Variants in CHRNA3 observed in about 807,000 individuals in gnomAD.
CHRNA3 encodes cholinergic receptor nicotinic alpha 3 subunit.
CHRNA3 carries 34 observed loss-of-function variants against 41.9 expected under a neutral mutation model. The observed-to-expected ratio is 0.81, with a 90% CI of 0.62 to 1.08. The LOEUF (loss-of-function observed/expected upper bound fraction) is 1.08, where lower values mean the gene tolerates loss of function less well. Among genes scored for constraint, CHRNA3 ranks in the 50% least tolerant of loss-of-function variants. CHRNA3 has a pLI of 0.00. For synonymous variants in CHRNA3, 281 were observed against 265.2 expected (o/e 1.06, Z -0.58); for missense variants, 542 against 638.3 (o/e 0.85, Z 1.63).
At chr15:78,616,713 C>T (rs2053467805) in intron 4 of CHRNA3, among the ~76,000 whole-genome samples, 1 of 152,130 alleles carries the variant, frequency 6.6e-6, no homozygotes, top group African/African-American at 2.4e-5. Context: ...CTCCATCTCC[C>T]TGTCCTGAGA....
rs1204610496 is a variant in CHRNA3 at position 78,618,819 on chromosome 15, A to G, written c.179T>C (p.Val60Ala). ...CATGGACACCTCGAAATGGATGATG[A>G]CTGGGTCAGACACGTTGGCTACAGG... ...IRPVANVSDPVIIHFEVSMSQ... is the reference protein window; with the variant it reads ...IRPVANVSDPAIIHFEVSMSQ... Residue 60 changes from valine to alanine, a missense_variant, in exon 2 of 6, where the codon GTC becomes GCC. Transcript: ENST00000326828. 7.4e-6 allele frequency: 12 copies of G among 1,613,882 alleles called. No individual in the cohort carries two copies. The highest frequency in any genetic ancestry group is 9.3e-6 in the Non-Finnish European group (11 of 1,179,918).
Position 78,602,125 on chromosome 15 carries a change from AGTTTTG to A in CHRNA3, c.511_516del (p.Gln171_Asn172del). ...GACCAGGAACCGAACTTCATGGTACAGTTTTGGTAATCAAACGGGAAGTAGGTCACG... is the reference window on the plus strand; with the variant it reads ...GACCAGGAACCGAACTTCATGGTACAGTAATCAAACGGGAAGTAGGTCACG... On this transcript the variant is annotated inframe_deletion, in exon 5 of 6. Coordinates refer to ENST00000326828, the MANE Select transcript of CHRNA3 (RefSeq NM_000743.5). 6.2e-7 allele frequency: 1 copy of A among 1,614,182 alleles called. No individual in the cohort carries two copies. Among genetic ancestry groups the A allele is most frequent in the Non-Finnish European group, 8.5e-7 (1 of 1,180,028 alleles).
intron 1 of CHRNA3, 133 bp from the exon 2 acceptor site, chr15:78,619,048 G>A: frequency 9.2e-7 from 1 of 1,083,992 alleles, no homozygotes; most frequent in Non-Finnish European, 1.3e-6. Context: ...TAGACTTTCA[G>A]GCCAGTCTAA....
At chr15:78,618,944 G>A in intron 1 of CHRNA3, 29 bp from the exon 2 acceptor site, 1 of 1,610,492 alleles carries the variant, frequency 6.2e-7, no homozygotes, top group Admixed American at 1.7e-5. Flanking sequence ...TCAGTCCCTG[G>A]GGAAATCGTT....
rs536384532 is a variant in CHRNA3, at chr15:78,603,338, T to C, written c.378-1074A>G. ...TTAGACATGTACGTTTTTCTAGGAA[T>C]AGTCTTGTTGGTTTGTTCGACAGAA... On this transcript the variant is annotated intron_variant, in intron 4 of 5. Coordinates refer to ENST00000326828, the MANE Select transcript of CHRNA3 (RefSeq NM_000743.5). Among the ~76,000 whole-genome samples the C allele has an allele frequency of 3.9e-5, 6 of 152,298 alleles. No individual in the cohort carries two copies. The East Asian group carries it at 5.8e-4, about 15-fold the overall frequency.
chr15:78,600,183 T>A (rs2053176212), intron 5 of CHRNA3, among the ~76,000 whole-genome samples: 1 of 152,118 alleles, frequency 6.6e-6, no homozygotes. Flanking sequence ...CCAGTGATCC[T>A]CTCACCTCAG....
chr15:78,607,707 G>A (rs953441581), intron 4 of CHRNA3, among the ~76,000 whole-genome samples: 1 of 152,224 alleles, frequency 6.6e-6, no homozygotes, highest in African/African-American at 2.4e-5. Context: ...ACTAGGGAGT[G>A]CCAGACAGTG....
chr15:78,617,013 C>A lies in CHRNA3; in HGVS notation c.377+11G>T, dbSNP rs775634108. The A allele has an allele frequency of 1.2e-5, 20 of 1,601,258 alleles. No homozygotes were observed. The East Asian group carries it at 3.3e-4, about 27-fold the overall frequency. On this transcript the variant is annotated intron_variant, in intron 4 of 5. Transcript: ENST00000326828. ...CAGCCCTGAGAGGGCGTGGGCCCCC[C>A]AGCACCTTACTTGTTATACAGCACA...
chr15:78,613,840 G>C (rs1454395204), intron 4 of CHRNA3, among the ~76,000 whole-genome samples: 1 of 151,740 alleles, frequency 6.6e-6, no homozygotes, highest in Admixed American at 6.6e-5. Flanking sequence ...CAGCTACTTG[G>C]GAGGCTGAGG....
In CHRNA3 at chr15:78,603,113, C is replaced by CAA. The variant is rs369186775; in HGVS notation, c.378-851_378-850dup. Among the ~76,000 whole-genome samples, 15 of 152,308 alleles carry CAA rather than the reference C, an allele frequency of 9.8e-5. No individual in the cohort carries two copies. In the East Asian group the frequency reaches 2.9e-3, roughly 29 times the overall value. On this transcript the variant is annotated intron_variant, in intron 4 of 5. Transcript: ENST00000326828. ...ACTACAATCTCTGTCTCCCGGGGTT[C>CAA]AAGCAAGTCTCCTGCTCAGCCTCCT...
chr15:78,611,138 A>G (rs946346065), intron 4 of CHRNA3, among the ~76,000 whole-genome samples: 6 of 152,238 alleles, frequency 3.9e-5, no homozygotes, highest in African/African-American at 1.4e-4. Flanking sequence ...ATTCTATCAG[A>G]GGTACAAGGA....
chr15:78,604,800 G>C (rs768777908), intron 4 of CHRNA3, among the ~76,000 whole-genome samples: 11 of 152,102 alleles, frequency 7.2e-5, no homozygotes, highest in Non-Finnish European at 1.5e-4. Flanking sequence ...ATCACCTGAG[G>C]TCAGCAGTTT....
chr15:78,602,068 T>TC lies in CHRNA3; in HGVS notation c.573dup (p.Ile192AspfsTer80). On this transcript the variant is annotated frameshift_variant, in exon 5 of 6. Coordinates refer to ENST00000326828, the MANE Select transcript of CHRNA3 (RefSeq NM_000743.5). LOFTEE classifies it high-confidence loss of function. Reference sequence around the variant, plus strand: ...TCCTTGAGGTTCATGGAAGAGCCGATCAGGACCAGATCGATTTTCGCCTTA... The same window carrying TC: ...TCCTTGAGGTTCATGGAAGAGCCGATCCAGGACCAGATCGATTTTCGCCTTA... 1 of 1,614,152 alleles carries TC rather than the reference T, an allele frequency of 6.2e-7. No individual in the cohort carries two copies.
intron 4 of CHRNA3, chr15:78,607,531 A>ATCCTGGCTAAGTCAGGAGATTGAGACCT (rs2053310397): frequency 1.3e-5 from 2 of 152,196 alleles, no homozygotes; most frequent in Admixed American, 6.5e-5. Flanking sequence ...GATTGAGACC[A>ATCCTGGCTAAGTCAGGAGATTGAGACCT]TCCTGGCTAA....
intron 5 of CHRNA3, among the ~76,000 whole-genome samples, chr15:78,600,998 C>T (rs2053188515): frequency 6.6e-6 from 1 of 152,188 alleles, no homozygotes; most frequent in African/African-American, 2.4e-5. Flanking sequence ...ATGGTCCAGC[C>T]TGCCAGCCTG....
chr15:78,620,728 GCA>G lies in CHRNA3; in HGVS notation c.65_66del (p.Leu22ProfsTer13). On this transcript the variant is annotated frameshift_variant, in exon 1 of 6. Coordinates refer to ENST00000326828, the MANE Select transcript of CHRNA3 (RefSeq NM_000743.5). LOFTEE classifies it high-confidence loss of function. ...LSPPRLLLLLLLSLLPVARAS... is the reference protein window; with the variant it reads ...LSPPRLLLLLXLSLLPVARAS... The stretch of plus-strand genomic sequence containing the variant: ...GTGCGCGTACCTGGCAGCAGAGACA[GCA>G]GCAGCAGCAGCAGCAGCCGCGGCGG... 5.6e-6 allele frequency: 1 copy of G among 178,094 alleles called. No homozygotes were observed. Among genetic ancestry groups the G allele is most frequent in the Admixed American group, 5.7e-4 (1 of 1,752 alleles). The allele number at this position is 178,094 out of a possible 1,614,324, so 11.0% of individuals were successfully genotyped here. A position where few individuals can be genotyped will look rare whatever the true frequency, so the allele number is the denominator to read the frequency against.
intron 4 of CHRNA3, among the ~76,000 whole-genome samples, chr15:78,604,449 T>C (rs2053252258): frequency 6.6e-6 from 1 of 152,218 alleles, no homozygotes; most frequent in Admixed American, 6.5e-5. Flanking sequence ...AATGTGTGCA[T>C]GTGCCCAAAG....
chr15:78,617,525 T>G (rs954214650), intron 3 of CHRNA3, among the ~76,000 whole-genome samples: 1 of 151,980 alleles, frequency 6.6e-6, no homozygotes, highest in African/African-American at 2.4e-5. Flanking sequence ...TTTTCCAACA[T>G]AGACACTCTT....
intron 5 of CHRNA3, 104 bp from the exon 6 acceptor site, chr15:78,596,836 T>G: frequency 6.9e-7 from 1 of 1,448,434 alleles, no homozygotes; most frequent in Non-Finnish European, 9.0e-7. Flanking sequence ...GAAGCCATTT[T>G]GTCTCTAATA....
Sources: gnomAD v4.1 joint callset for allele counts (sites outside exome capture counted in the v4.1 genomes callset) on GRCh38, gnomAD v4.1.1 for gene constraint, MANE v1.5 for transcripts, NCBI Gene and HGNC (gene_info 2026-07-23, HGNC 2026-07-21) for gene names.